ZNF385C: variants seen among roughly 807,000 people sequenced by gnomAD.
ZNF385C encodes CTD-2132N18.2.
In ZNF385C, 28 loss-of-function variants were observed where a neutral mutation model predicts 35.4. The ratio of observed to expected loss-of-function variants is 0.79; its 90% CI spans 0.59 to 1.08. The LOEUF (loss-of-function observed/expected upper bound fraction) is 1.08, where lower values mean the gene tolerates loss of function less well. Ranked by LOEUF, ZNF385C falls within the 50% of genes least tolerant of loss-of-function variation. The pLI is 0.00. For missense variants in ZNF385C, 605 were observed against 595.6 expected (o/e 1.02, Z -0.16); for synonymous variants, 248 against 248.2 (o/e 1.00, Z 0.01).
intron 1 of ZNF385C, among the ~76,000 whole-genome samples, chr17:42,071,281 G>A (rs976771682): frequency 2.0e-5 from 3 of 152,174 alleles, no homozygotes; most frequent in African/African-American, 7.2e-5. Context: ...GAGATTTCAG[G>A]AGTGAGCTGC....
chr17:42,087,530 G>A (rs2053821489), intron 1 of ZNF385C, among the ~76,000 whole-genome samples: 1 of 152,196 alleles, frequency 6.6e-6, no homozygotes, highest in African/African-American at 2.4e-5. Context: ...CTTATCTGCA[G>A]CTCTCTGAAA....
chr17:42,037,871 C>CGGAGGCCGGGCCTGCTGCA lies in ZNF385C; in HGVS notation c.251-5_264dup (p.Gly89CysfsTer79). 1 of 1,522,324 alleles carries CGGAGGCCGGGCCTGCTGCA rather than the reference C, an allele frequency of 6.6e-7. No individual in the cohort carries two copies. Among genetic ancestry groups the CGGAGGCCGGGCCTGCTGCA allele is most frequent in the Non-Finnish European group, 8.8e-7 (1 of 1,131,732 alleles). 94.3% of individuals were successfully genotyped at this position (1,522,324 alleles called of 1,614,324 possible). On this transcript the variant is annotated frameshift_variant, in exon 3 of 9. Transcript: ENST00000692273. LOFTEE classifies it high-confidence loss of function. ...GAGGCCAGCAGGGGGCTGGGGGCGC[C>CGGAGGCCGGGCCTGCTGCA]GGAGGCCGGGCCTGCTGCAGGAGGA...
chr17:42,031,427 G>T (rs1373761823), intron 5 of ZNF385C, among the ~76,000 whole-genome samples, 192 bp downstream of exon 5: 9 of 152,216 alleles, frequency 5.9e-5, no homozygotes, highest in African/African-American at 2.2e-4. Context: ...CTTCTGAGGT[G>T]CTGGTAACGT....
rs13380864 is a variant in ZNF385C at position 42,087,323 on chromosome 17, A to G, written c.-3+11087T>C. 2.3e-3 allele frequency among the ~76,000 whole-genome samples: 354 copies of G among 152,350 alleles called. 1 individual carries two copies. The highest frequency in any genetic ancestry group is 7.9e-3 in the African/African-American group (328 of 41,576). ...GGACTAGTGCTCATTGCTTAAAACT[A>G]CAACTGAAAACAATCAATCATCCTG... On this transcript the variant is annotated intron_variant, in intron 1 of 8. Coordinates refer to ENST00000692273, the MANE Select transcript of ZNF385C (RefSeq NM_001392013.1).
intron 1 of ZNF385C, among the ~76,000 whole-genome samples, chr17:42,070,317 C>G (rs2053606712): frequency 6.6e-6 from 1 of 152,196 alleles, no homozygotes; most frequent in African/African-American, 2.4e-5. Context: ...GCACTCCAGC[C>G]TGTGCGACAG....
At chr17:42,060,407 G>A (rs1225638223) in intron 2 of ZNF385C, among the ~76,000 whole-genome samples, 3 of 152,162 alleles carry the variant, frequency 2.0e-5, no homozygotes, top group African/African-American at 7.2e-5. Flanking sequence ...AGCCCAGCCT[G>A]GTGGCAAGGC....
chr17:42,027,715 C>T lies in ZNF385C; in HGVS notation c.1178G>A (p.Arg393Lys), dbSNP rs151041175. 1.7e-3 allele frequency: 2,745 copies of T among 1,612,704 alleles called. 5 individuals are homozygous for T. The highest frequency in any genetic ancestry group is 4.9e-3 in the South Asian group (448 of 90,990). The change falls in exon 8 of 9, where the codon AGG becomes AAG. Residue 393 changes from arginine to lysine, a missense_variant. Physicochemically the swap from Arg to Lys is conservative, Grantham distance 26. Transcript: ENST00000692273. The stretch of plus-strand genomic sequence containing the variant: ...CCCGGCCAGGCGGTCTTTGTGCCTC[C>T]TGCTGCTCATGTGCTAATGGACAGA... The part of the protein sequence containing the change: ...ETQLKQHMSS[R>K]RHKDRLAGKT...
At chr17:42,045,639 T>C (rs7210348) in intron 2 of ZNF385C, among the ~76,000 whole-genome samples, 145,801 of 152,316 alleles carry the variant, frequency 0.96, 69,835 homozygotes, top group Admixed American at 0.97. Context: ...TGGTCTGTAC[T>C]GTCTCTCTCC....
chr17:42,035,166 A>G (rs1555655318), intron 3 of ZNF385C, among the ~76,000 whole-genome samples: 1 of 151,422 alleles, frequency 6.6e-6, no homozygotes. Context: ...AGAAAGGAAA[A>G]GAAAAGAAAA....
chr17:42,057,069 A>G (rs2053386998), intron 2 of ZNF385C, among the ~76,000 whole-genome samples: 1 of 152,066 alleles, frequency 6.6e-6, no homozygotes, highest in African/African-American at 2.4e-5. Flanking sequence ...CCAGGAGGTA[A>G]AAGATGCAGT....
At chr17:42,039,834 T>C (rs1431800035) in intron 2 of ZNF385C, 2 of 1,231,678 alleles carry the variant, frequency 1.6e-6, no homozygotes, top group African/African-American at 3.1e-5. Flanking sequence ...CCCCCCGGCC[T>C]TCCCCGGCCC....
At chr17:42,047,756 C>T (rs989822503) in intron 2 of ZNF385C, among the ~76,000 whole-genome samples, 2 of 151,234 alleles carry the variant, frequency 1.3e-5, no homozygotes, top group African/African-American at 2.4e-5. Context: ...TGGGTTCAAG[C>T]GATTCTCCTG....
In ZNF385C at chr17:42,040,316, C is replaced by T. The variant is rs1293752736; in HGVS notation, c.251-2431G>A. 7 of 1,231,648 alleles carry T rather than the reference C, an allele frequency of 5.7e-6. No individual in the cohort carries two copies. In the African/African-American group the frequency reaches 1.1e-4, roughly 19 times the overall value. The allele number at this position is 1,231,648 out of a possible 1,614,324, so 76.3% of individuals were successfully genotyped here. Reference sequence around the variant, plus strand: ...TCGGAGTAACCGAGCAGCTCCACGCCGCGGTAGGTGCAGCGTCCGCTGCTG... The same window carrying T: ...TCGGAGTAACCGAGCAGCTCCACGCTGCGGTAGGTGCAGCGTCCGCTGCTG... On this transcript the variant is annotated intron_variant, in intron 2 of 8. Coordinates refer to ENST00000692273, the MANE Select transcript of ZNF385C (RefSeq NM_001392013.1).
intron 2 of ZNF385C, among the ~76,000 whole-genome samples, chr17:42,055,468 C>T (rs2053358809): frequency 2.6e-5 from 4 of 152,036 alleles, no homozygotes; most frequent in Admixed American, 2.6e-4. Context: ...TCGGGAAGAG[C>T]GTGGGGCACT....
chr17:42,091,241 A>G (rs1354411596), intron 1 of ZNF385C, among the ~76,000 whole-genome samples: 2 of 152,106 alleles, frequency 1.3e-5, no homozygotes, highest in Non-Finnish European at 2.9e-5. Flanking sequence ...GTTTGAAACC[A>G]ATCTGGGCAA....
intron 4 of ZNF385C, among the ~76,000 whole-genome samples, chr17:42,033,094 T>C (rs768105496): frequency 6.6e-5 from 10 of 152,186 alleles, no homozygotes; most frequent in Non-Finnish European, 1.3e-4. Context: ...GGTCTGTCAG[T>C]GTCCTCCCTC....
chr17:42,040,714 T>C, intron 2 of ZNF385C: 1 of 1,232,240 alleles, frequency 8.1e-7, no homozygotes, highest in Non-Finnish European at 1.0e-6. Context: ...AGCTGCAAGG[T>C]CCAGTGCTGC....
chr17:42,027,210 C>G, intron 8 of ZNF385C, 77 bp from the exon 9 acceptor site: 9 of 1,341,008 alleles, frequency 6.7e-6, no homozygotes, highest in Non-Finnish European at 9.5e-6. Context: ...CATCCTCAAG[C>G]TTTTTGCTGC....
intron 1 of ZNF385C, among the ~76,000 whole-genome samples, chr17:42,070,788 A>G (rs141682526): frequency 6.6e-6 from 1 of 152,304 alleles, no homozygotes; most frequent in African/African-American, 2.4e-5. Flanking sequence ...AGCACCTGGA[A>G]GAAGAGAAGC....
Sources: gnomAD v4.1 joint callset for allele counts (sites outside exome capture counted in the v4.1 genomes callset) on GRCh38, gnomAD v4.1.1 for gene constraint, MANE v1.5 for transcripts, NCBI Gene and HGNC (gene_info 2026-07-23, HGNC 2026-07-21) for gene names.